Variants in C21orf91 observed in about 807,000 individuals in gnomAD.
C21orf91 encodes the protein protein EURL homolog.
Under a neutral mutation model 32.9 loss-of-function variants are expected in C21orf91, and 26 were observed. The observed-to-expected ratio is 0.79, with a 90% CI of 0.58 to 1.10. The LOEUF is 1.10. C21orf91 is among the 50% of genes least tolerant of loss of function. The pLI is 0.00. For synonymous variants in C21orf91, 126 were observed against 120.4 expected (o/e 1.05, Z -0.31); for missense variants, 310 against 341.3 (o/e 0.91, Z 0.72).
intron 2 of C21orf91, among the ~76,000 whole-genome samples, chr21:17,813,197 G>A (rs958774527): frequency 5.3e-5 from 8 of 152,204 alleles, no homozygotes; most frequent in Non-Finnish European, 1.2e-4. Flanking sequence ...ATCACAAGTG[G>A]TGGGGCCCCT....
chr21:17,795,188 G>T lies in C21orf91; in HGVS notation c.727+20C>A, dbSNP rs1184830315. On this transcript the variant is annotated intron_variant, in intron 4 of 4. Transcript: ENST00000284881. ...GTCAAAATTTGTCACACACAAAAAA[G>T]TACTGACAGTGATTCTTACCCTGGA... is the stretch of plus-strand genomic sequence containing the variant. The T allele has an allele frequency of 1.3e-6, 2 of 1,558,424 alleles. No individual in the cohort carries two copies. Among genetic ancestry groups the T allele is most frequent in the African/African-American group, 2.7e-5 (2 of 73,792 alleles).
chr21:17,814,208 C>T (rs1199867343), intron 2 of C21orf91, among the ~76,000 whole-genome samples: 2 of 152,296 alleles, frequency 1.3e-5, no homozygotes, highest in African/African-American at 4.8e-5. Context: ...TCATTACTAG[C>T]TCCTGACCAC....
Position 17,805,932 on chromosome 21 carries a change from C to T in C21orf91, c.128-8814G>A, listed in dbSNP as rs376378764. ...GTTTTAAATATCCACTTACATGGGG[C>T]ATATGGAGACACCAACTTACAGCAA... On this transcript the variant is annotated intron_variant, in intron 2 of 4. Coordinates refer to ENST00000284881, the MANE Select transcript of C21orf91 (RefSeq NM_001100420.2). 7.9e-5 allele frequency among the ~76,000 whole-genome samples: 12 copies of T among 152,096 alleles called. No homozygotes were observed. The South Asian group carries it at 8.3e-4, about 11-fold the overall frequency.
At chr21:17,809,563 A>C (rs1780039156) in intron 2 of C21orf91, among the ~76,000 whole-genome samples, 1 of 152,238 alleles carries the variant, frequency 6.6e-6, no homozygotes, top group Admixed American at 6.5e-5. Flanking sequence ...TAAAAATGTC[A>C]TTAAGTATAT....
chr21:17,802,614 A>G (rs1277948209), intron 2 of C21orf91, among the ~76,000 whole-genome samples: 2 of 152,234 alleles, frequency 1.3e-5, no homozygotes. Flanking sequence ...CAAAATGCTT[A>G]AAGTTCTACC....
In C21orf91 at chr21:17,797,025, G is replaced by C; in HGVS notation, c.221C>G (p.Pro74Arg). 1.2e-6 allele frequency: 2 copies of C among 1,612,172 alleles called. No individual in the cohort carries two copies. The highest frequency in any genetic ancestry group is 8.5e-7 in the Non-Finnish European group (1 of 1,178,390). Reference sequence around the variant, plus strand: ...AGTACTTTTTGAAAGCTTAGATCGAGGACAACCCTGGTTTGCAATTAAATG... The same window carrying C: ...AGTACTTTTTGAAAGCTTAGATCGACGACAACCCTGGTTTGCAATTAAATG... The part of the protein sequence containing the change: ...KYHLIANQGC[P>R]RSKLSKSTYE... Residue 74 changes from proline to arginine, a missense_variant, in exon 3 of 5, where the codon CCT becomes CGT. By Grantham distance (103) the Pro-to-Arg change is moderately radical. Coordinates refer to ENST00000284881, the MANE Select transcript of C21orf91 (RefSeq NM_001100420.2).
intron 2 of C21orf91, among the ~76,000 whole-genome samples, chr21:17,807,123 T>C (rs928590036): frequency 3.9e-5 from 6 of 152,212 alleles, no homozygotes; most frequent in African/African-American, 1.4e-4. Flanking sequence ...AGAAATAAAA[T>C]TGATATGGTT....
Position 17,793,879 on chromosome 21 carries a change from T to C in C21orf91, c.728-298A>G, listed in dbSNP as rs937147918. On this transcript the variant is annotated intron_variant, in intron 4 of 4. Transcript: ENST00000284881. Reference sequence around the variant, plus strand: ...AGCTACTTTTCTCAATTAGAATCTATAAACAGATTCAATTAGTACATAATG... The same window carrying C: ...AGCTACTTTTCTCAATTAGAATCTACAAACAGATTCAATTAGTACATAATG... Among the ~76,000 whole-genome samples, 3 of 152,196 alleles carry C rather than the reference T, an allele frequency of 2.0e-5. No homozygotes were observed. The East Asian group carries it at 5.8e-4, about 29-fold the overall frequency.
At chr21:17,805,593 C>T (rs374830887) in intron 2 of C21orf91, among the ~76,000 whole-genome samples, 1 of 152,162 alleles carries the variant, frequency 6.6e-6, no homozygotes. Context: ...GGATTACAGG[C>T]GTGAGCCACC....
chr21:17,809,096 G>T, intron 2 of C21orf91: 1 of 154,850 alleles, frequency 6.5e-6, no homozygotes, highest in Non-Finnish European at 1.4e-5. Flanking sequence ...TTCCTGTACA[G>T]CCTGCAGAGC....
At chr21:17,810,369 GTATTTCTAAATATGTTCTAAA>G (rs1375071667) in intron 2 of C21orf91, 1 of 152,204 alleles carries the variant, frequency 6.6e-6, no homozygotes, top group Non-Finnish European at 1.5e-5. Context: ...CAGAGGAACA[GTATTTCTAAATATGTTCTAAA>G]TATTTCTAAA....
At chr21:17,812,465 C>T (rs560000719) in intron 2 of C21orf91, among the ~76,000 whole-genome samples, 3 of 152,230 alleles carry the variant, frequency 2.0e-5, no homozygotes, top group African/African-American at 7.2e-5. Flanking sequence ...ATGAATGAAG[C>T]AATGTCATTA....
Position 17,818,242 on chromosome 21 carries a change from TC to T in C21orf91, c.76del (p.Asp26ThrfsTer14). On this transcript the variant is annotated frameshift_variant, in exon 2 of 5. Coordinates refer to ENST00000284881, the MANE Select transcript of C21orf91 (RefSeq NM_001100420.2). LOFTEE classifies it high-confidence loss of function. The stretch of plus-strand genomic sequence containing the variant: ...GTGGCAGAAGGAGAGTGTTTCTTTG[TC>T]TGTTCCCAGTTTACAAACACTGCAA... The part of the protein sequence containing the change: ...NICSVCKLGT[D>X]KETLSFCHIC... 6.2e-7 allele frequency: 1 copy of T among 1,610,910 alleles called. No homozygotes were observed. Among genetic ancestry groups the T allele is most frequent in the South Asian group, 1.1e-5 (1 of 91,030 alleles).
Position 17,804,005 on chromosome 21 carries a change from A to T in C21orf91, c.128-6887T>A, listed in dbSNP as rs116765957. ...TCCAAATAGTTCTTATTATTTCCTT[A>T]ATGAAAGCACTTGTACCTGTGACCC... On this transcript the variant is annotated intron_variant, in intron 2 of 4. Transcript: ENST00000284881. 2.7e-3 allele frequency among the ~76,000 whole-genome samples: 406 copies of T among 152,266 alleles called. 1 individual carries two copies. The highest frequency in any genetic ancestry group is 9.4e-3 in the African/African-American group (391 of 41,554).
At position 17,800,353 on chromosome 21, in the gene C21orf91, C is replaced by T. The variant is rs549409048; in HGVS notation, c.128-3235G>A. On this transcript the variant is annotated intron_variant, in intron 2 of 4. Coordinates refer to ENST00000284881, the MANE Select transcript of C21orf91 (RefSeq NM_001100420.2). ...AAAAACTTCTATAAAACACTGACTA[C>T]TTCATATACTTGAAAAAAATTACTT... is the stretch of plus-strand genomic sequence containing the variant. Among the ~76,000 whole-genome samples, 5 of 152,272 alleles carry T rather than the reference C, an allele frequency of 3.3e-5. No homozygotes were observed. In the South Asian group the frequency reaches 6.2e-4, roughly 19 times the overall value.
chr21:17,812,862 A>G (rs931542706), intron 2 of C21orf91, among the ~76,000 whole-genome samples: 13 of 152,124 alleles, frequency 8.5e-5, no homozygotes, highest in African/African-American at 2.9e-4. Flanking sequence ...TATAAAAGTG[A>G]GTTTAGCTCT....
chr21:17,797,336 GAACTT>G (rs2062527548), intron 2 of C21orf91, among the ~76,000 whole-genome samples: 1 of 151,802 alleles, frequency 6.6e-6, no homozygotes, highest in Admixed American at 6.6e-5. Flanking sequence ...ATCTTTCTAA[GAACTT>G]AATTATTCAA....
rs113891367 is a variant in C21orf91 at position 17,798,155 on chromosome 21, T to TA, written c.128-1038dup. On this transcript the variant is annotated intron_variant, in intron 2 of 4. Transcript: ENST00000284881. The stretch of plus-strand genomic sequence containing the variant: ...GCGGAGAGCCACTCAGGAGCTAGTT[T>TA]AAAAAAAAGTTTTAGCTGATTCATC... Among the ~76,000 whole-genome samples the TA allele has an allele frequency of 2.5e-3, 374 of 151,964 alleles. 10 individuals carry two copies. In the East Asian group the frequency reaches 0.068, roughly 28 times the overall value.
intron 3 of C21orf91, among the ~76,000 whole-genome samples, chr21:17,796,153 C>T (rs2062516172): frequency 6.6e-6 from 1 of 152,156 alleles, no homozygotes; most frequent in Admixed American, 6.5e-5. Context: ...TCTAACTTTA[C>T]AATAAGTGCA....
Sources: allele counts gnomAD v4.1 joint callset (sites outside exome capture counted in the v4.1 genomes callset), GRCh38; gene constraint gnomAD v4.1.1; transcripts MANE v1.5; gene names NCBI Gene and HGNC (gene_info 2026-07-23, HGNC 2026-07-21).